Variants in DOK7 observed in about 807,000 individuals in gnomAD.
DOK7 encodes protein Dok-7.
DOK7 carries 32 observed loss-of-function variants against 30.7 expected under a neutral mutation model. The observed-to-expected ratio is 1.04, with a 90% confidence interval of 0.79 to 1.40. The LOEUF (loss-of-function observed/expected upper bound fraction) is 1.40. Ranked by LOEUF, DOK7 falls within the 40% of genes most tolerant of loss-of-function variation. The probability of loss-of-function intolerance (pLI) is 0.00; values close to 1 mark genes in which losing one functional copy is unlikely to be tolerated. For missense variants in DOK7, 1,007 were observed against 699.2 expected (o/e 1.44, Z -4.97); for synonymous variants, 447 against 324.1 (o/e 1.38, Z -4.07).
At chr4:3,473,271 C>T (rs1248422642) in intron 2 of DOK7, 135 bp from the exon 3 acceptor site, 2 of 805,668 alleles carry the variant, frequency 2.5e-6, no homozygotes, top group Non-Finnish European at 4.0e-6. Context: ...GAGTCGAAGC[C>T]TTGGCATGGC....
At chr4:3,466,354 T>C (rs1023895812) in intron 2 of DOK7, among the ~76,000 whole-genome samples, 2 of 152,064 alleles carry the variant, frequency 1.3e-5, no homozygotes, top group African/African-American at 4.8e-5. Flanking sequence ...GGGAGCCCCC[T>C]GGCAGGTGCC....
Position 3,493,294 on chromosome 4 carries a change from C to T in DOK7, c.1308C>T (p.Gly436=). Residue 436 remains glycine (G), a synonymous_variant, in exon 7 of 7, where the codon GGC becomes GGT. Coordinates refer to ENST00000340083, the MANE Select transcript of DOK7 (RefSeq NM_173660.5). ...ACAGTGCGGCCAGGGACTCAGGCGG[C>T]CAGACGTCCGCCGGGTGTCCCTCTG... is the stretch of plus-strand genomic sequence containing the variant. The part of the protein sequence containing the change: ...PGNSAARDSG[G]QTSAGCPSGW... 6.2e-7 allele frequency: 1 copy of T among 1,608,148 alleles called. No individual in the cohort carries two copies. The highest frequency in any genetic ancestry group is 8.5e-7 in the Non-Finnish European group (1 of 1,177,812).
intron 2 of DOK7, among the ~76,000 whole-genome samples, chr4:3,465,094 C>CA (rs1726194658): frequency 6.6e-6 from 1 of 152,200 alleles, no homozygotes; most frequent in African/African-American, 2.4e-5. Flanking sequence ...CCCACTGACT[C>CA]ACTGGCCTGG....
At chr4:3,464,413 G>A (rs1726156003) in intron 2 of DOK7, among the ~76,000 whole-genome samples, 1 of 152,228 alleles carries the variant, frequency 6.6e-6, no homozygotes, top group African/African-American at 2.4e-5. Context: ...CCCTTGCAGG[G>A]CCTGGACTGC....
At position 3,500,571 on chromosome 4, in the gene DOK7, CCT is replaced by C. The variant is rs552357475; in HGVS notation, c.1262-120_1262-119del. On this transcript the variant is annotated intron_variant, in intron 7 of 7. Transcript: ENST00000643608. ...CTCCATCCCTGGCCAGGCCACATCC[CCT>C]GAGGGTGTCCCCACTCAGATGCTTC... 1,248 of 1,503,476 alleles carry C rather than the reference CCT, an allele frequency of 8.3e-4. 17 individuals are homozygous for C. The South Asian group carries it at 0.014, about 17-fold the overall frequency. The allele number at this position is 1,503,476 out of a possible 1,614,324, so 93.1% of individuals were successfully genotyped here.
downstream of DOK7, among the ~76,000 whole-genome samples, chr4:3,495,447 G>A (rs1366312197): frequency 6.6e-6 from 1 of 152,208 alleles, no homozygotes; most frequent in African/African-American, 2.4e-5. Flanking sequence ...GGAGTCATGG[G>A]GCCTCTTGCC....
chr4:3,463,908 C>T (rs1323652569), intron 2 of DOK7, among the ~76,000 whole-genome samples: 1 of 152,192 alleles, frequency 6.6e-6, no homozygotes, highest in Non-Finnish European at 1.5e-5. Flanking sequence ...AGAGCAGGGC[C>T]CCCGAACCCA....
rs71180187 is a variant in DOK7 at position 3,463,450 on chromosome 4, CGGG to C, written c.54+31_54+33del. ...AGAAGGTCGGGGCGCGTCGGGGGCGCGGGGGGGGGGGGCGCGGGCGCGGGCGGC... is the reference window on the plus strand; with the variant it reads ...AGAAGGTCGGGGCGCGTCGGGGGCGCGGGGGGGGGCGCGGGCGCGGGCGGC... On this transcript the variant is annotated intron_variant, in intron 1 of 6. Transcript: ENST00000340083. The C allele has an allele frequency of 2.0e-3, 2,481 of 1,220,344 alleles. 4 individuals are homozygous for C. The highest frequency in any genetic ancestry group is 5.4e-3 in the South Asian group (290 of 53,600). 75.6% of individuals were successfully genotyped at this position (1,220,344 alleles called of 1,614,324 possible).
intron 7 of DOK7, chr4:3,500,506 C>A (rs1729137773): frequency 2.7e-6 from 4 of 1,487,794 alleles, no homozygotes; most frequent in East Asian, 2.5e-5. Context: ...GGCCAGGGAG[C>A]TTTTCCTACA....
chr4:3,474,678 C>T (rs2109338447), intron 3 of DOK7, among the ~76,000 whole-genome samples: 1 of 152,238 alleles, frequency 6.6e-6, no homozygotes, highest in Middle Eastern at 3.4e-3. Context: ...AAAAATTAGC[C>T]TGGTGTGGTG....
chr4:3,468,006 A>C (rs1726409927), intron 2 of DOK7, among the ~76,000 whole-genome samples: 1 of 152,194 alleles, frequency 6.6e-6, no homozygotes, highest in African/African-American at 2.4e-5. Flanking sequence ...TTGGGGGTGA[A>C]GATTTCAACA....
chr4:3,485,110 G>C (rs891074568), intron 4 of DOK7, among the ~76,000 whole-genome samples: 31 of 152,220 alleles, frequency 2.0e-4, no homozygotes, highest in Admixed American at 2.0e-3. Context: ...TGCCTGCTGG[G>C]TGGCAGAGCA....
intron 4 of DOK7, among the ~76,000 whole-genome samples, chr4:3,476,751 C>T (rs531056781): frequency 5.3e-5 from 8 of 152,264 alleles, no homozygotes; most frequent in African/African-American, 1.4e-4. Flanking sequence ...GGAGGGGCCT[C>T]GGCTACCTCT....
At chr4:3,467,913 C>A (rs557871818) in intron 2 of DOK7, among the ~76,000 whole-genome samples, 1 of 152,262 alleles carries the variant, frequency 6.6e-6, no homozygotes, top group South Asian at 2.1e-4. Flanking sequence ...CTGGGGCCCC[C>A]TCATCAGGTA....
At chr4:3,473,095 G>A (rs1726854427) in intron 2 of DOK7, among the ~76,000 whole-genome samples, 1 of 152,228 alleles carries the variant, frequency 6.6e-6, no homozygotes, top group Non-Finnish European at 1.5e-5. Flanking sequence ...TGGCCCAGGG[G>A]GCTCCAGGGC....
chr4:3,469,028 GTA>G (rs1175182806), intron 2 of DOK7, among the ~76,000 whole-genome samples: 5 of 149,478 alleles, frequency 3.3e-5, no homozygotes, highest in Admixed American at 1.3e-4. Flanking sequence ...GTGTGCCTGT[GTA>G]TGTGTATGAG....
chr4:3,478,517 A>C (rs75135443), intron 4 of DOK7, among the ~76,000 whole-genome samples: 14,614 of 69,350 alleles, frequency 0.21, 918 homozygotes, highest in African/African-American at 0.32. Context: ...ACAGAACCTG[A>C]AAACCTGCAA....
Position 3,493,725 on chromosome 4 carries a change from G to C in DOK7, c.*224G>C, listed in dbSNP as rs1728710004. 7.0e-7 allele frequency: 1 copy of C among 1,423,498 alleles called. No individual in the cohort carries two copies. Among genetic ancestry groups the C allele is most frequent in the African/African-American group, 1.4e-5 (1 of 69,292 alleles). 88.2% of individuals were successfully genotyped at this position (1,423,498 alleles called of 1,614,324 possible). On this transcript the variant is annotated 3_prime_UTR_variant, in exon 7 of 7. Transcript: ENST00000340083. ...AAGGCAGGGGCTCTGGGTCCGGCAG[G>C]TCGGGGTCACCAGAGCCCCAATGCT...
Position 3,493,200 on chromosome 4 carries a change from A to G in DOK7, c.1214A>G (p.Tyr405Cys), listed in dbSNP as rs746536929. Residue 405 changes from tyrosine to cysteine, a missense_variant, in exon 7 of 7, where the codon TAT becomes TGT. Coordinates refer to ENST00000340083, the MANE Select transcript of DOK7 (RefSeq NM_173660.5). ...YQVPTSLRAHYDTPRSLCLAP... is the reference protein window; with the variant it reads ...YQVPTSLRAHCDTPRSLCLAP... ...GTGCCCACCTCCCTGCGGGCCCACTATGACACACCACGCAGCCTTTGCCTG... is the reference window on the plus strand; with the variant it reads ...GTGCCCACCTCCCTGCGGGCCCACTGTGACACACCACGCAGCCTTTGCCTG... 10 of 1,611,486 alleles carry G rather than the reference A, an allele frequency of 6.2e-6. No homozygotes were observed. Among genetic ancestry groups the G allele is most frequent in the Admixed American group, 1.7e-5 (1 of 59,912 alleles).
Sources: allele counts gnomAD v4.1 joint callset (sites outside exome capture counted in the v4.1 genomes callset), GRCh38; gene constraint gnomAD v4.1.1; transcripts MANE v1.5; gene names NCBI Gene and HGNC (gene_info 2026-07-23, HGNC 2026-07-21).